The following ACTN2 variants were observed in gnomAD, a reference collection of about 807,000 sequenced individuals.
ACTN2 encodes alpha-actinin-2.
A neutral mutation model predicts 113.8 loss-of-function variants in ACTN2; 39 were observed. That is an observed-to-expected ratio of 0.34 (90% CI 0.27 to 0.45). ACTN2 has a LOEUF of 0.45. ACTN2 is among the 20% of genes least tolerant of loss of function. ACTN2 has a pLI of 1.00. For missense variants in ACTN2, 992 were observed against 1,177.9 expected, an observed-to-expected ratio of 0.84 and a Z score of 2.31; for synonymous variants, 429 against 444.1, an observed-to-expected ratio of 0.97 and a Z score of 0.43.
At chr1:236,709,125 G>C (rs183838670) in intron 1 of ACTN2, among the ~76,000 whole-genome samples, 5 of 149,994 alleles carry the variant, frequency 3.3e-5, no homozygotes, top group African/African-American at 1.2e-4. Flanking sequence ...AGGGTGTTCA[G>C]AACCATCGTG....
At chr1:236,729,982 A>G (rs1658668203) in intron 6 of ACTN2, among the ~76,000 whole-genome samples, 1 of 152,250 alleles carries the variant, frequency 6.6e-6, no homozygotes, top group Non-Finnish European at 1.5e-5. Context: ...AAACAAATAA[A>G]CATACATGTA....
At chr1:236,709,342 G>T (rs184650925) in intron 1 of ACTN2, among the ~76,000 whole-genome samples, 1 of 123,436 alleles carries the variant, frequency 8.1e-6, no homozygotes, top group East Asian at 2.2e-4. Context: ...ATATATATAC[G>T]TGTATATATA....
chr1:236,754,164 G>A lies in ACTN2; in HGVS notation c.1974+83G>A, dbSNP rs576452680. The A allele has an allele frequency of 3.8e-6, 6 of 1,574,526 alleles. No homozygotes were observed. Among genetic ancestry groups the A allele is most frequent in the African/African-American group, 1.3e-5 (1 of 74,462 alleles). Reference sequence around the variant, plus strand: ...ACGCAGCAGTGACACCGCACATGCTGTGGTTTCCAGCCACCCACTCAGTCA... The same window carrying A: ...ACGCAGCAGTGACACCGCACATGCTATGGTTTCCAGCCACCCACTCAGTCA... On this transcript the variant is annotated intron_variant, in intron 16 of 20. Transcript: ENST00000366578. This position sits in a 1 kb window ranked among gnomAD's most constrained non-coding sequence, Gnocchi z 4.9.
intron 1 of ACTN2, among the ~76,000 whole-genome samples, chr1:236,705,818 T>C (rs761921648): frequency 1.3e-5 from 2 of 152,230 alleles, no homozygotes; most frequent in Non-Finnish European, 2.9e-5. Context: ...TTTGGCTTTG[T>C]TGAAAACCCT....
chr1:236,709,308 G>GTGTA (rs1657944065), intron 1 of ACTN2, among the ~76,000 whole-genome samples: 1 of 95,198 alleles, frequency 1.1e-5, no homozygotes, highest in South Asian at 3.2e-4. Flanking sequence ...GTATATATAC[G>GTGTA]TATATATGTA....
chr1:236,749,439 G>C (rs954818864), intron 14 of ACTN2, among the ~76,000 whole-genome samples, 175 bp downstream of exon 14: 2 of 152,142 alleles, frequency 1.3e-5, no homozygotes, highest in African/African-American at 4.8e-5. Context: ...AGTACTCTGT[G>C]TTGCAAACCC....
In ACTN2 at chr1:236,717,939, C is replaced by T; in HGVS notation, c.208C>T (p.Leu70Phe). The T allele has an allele frequency of 6.2e-7, 1 of 1,614,120 alleles. No individual in the cohort carries two copies. The highest frequency in any genetic ancestry group is 1.3e-5 in the African/African-American group (1 of 75,028). ...CATCGAGGAAGACTTCAGGAATGGC[C>T]TTAAGCTCATGCTGCTTTTGGAAGT... is the stretch of plus-strand genomic sequence containing the variant. ...ENIEEDFRNGLKLMLLLEVIS... is the reference protein window; with the variant it reads ...ENIEEDFRNGFKLMLLLEVIS... Residue 70 changes from leucine (L) to phenylalanine (F), a missense_variant, in exon 2 of 21, where the codon CTT (leucine) becomes TTT (phenylalanine). Leu to Phe is a conservative substitution (Grantham distance 22). This residue lies in a region of ACTN2 where 220 missense variants were observed against 337.5 expected (regional missense o/e 0.65). Transcript: ENST00000366578.
At chr1:236,704,603 A>C (rs1007878004) in intron 1 of ACTN2, among the ~76,000 whole-genome samples, 2 of 152,194 alleles carry the variant, frequency 1.3e-5, no homozygotes, top group Non-Finnish European at 2.9e-5. Context: ...TCAAGGAAAC[A>C]GGTACGTATA....
intron 1 of ACTN2, among the ~76,000 whole-genome samples, chr1:236,696,262 G>A (rs754776963): frequency 2.6e-5 from 4 of 151,032 alleles, no homozygotes; most frequent in African/African-American, 7.3e-5. Flanking sequence ...CAGCTGGAGC[G>A]CAGTGAGATC....
At chr1:236,703,957 T>C (rs944807325) in intron 1 of ACTN2, among the ~76,000 whole-genome samples, 1 of 152,212 alleles carries the variant, frequency 6.6e-6, no homozygotes, top group Non-Finnish European at 1.5e-5. Context: ...GGAAATACTT[T>C]AGCTTCTTGA....
rs1659507977 is a variant in ACTN2 at position 236,754,949 on chromosome 1, C to T, written c.1975-70C>T. 1 of 1,597,864 alleles carries T rather than the reference C, an allele frequency of 6.3e-7. No homozygotes were observed. Among genetic ancestry groups the T allele is most frequent in the Non-Finnish European group, 8.6e-7 (1 of 1,166,480 alleles). On this transcript the variant is annotated intron_variant, in intron 16 of 20. Transcript: ENST00000366578. The surrounding 1 kb of genome is among the most constrained non-coding windows in gnomAD (Gnocchi z 4.9). The stretch of plus-strand genomic sequence containing the variant: ...TCCCATGCAGGGTCTGGAACGGCGC[C>T]TCGTGCCGAGCTCCCTTAGAGGGCA...
At chr1:236,727,100 G>T (rs974317937) in intron 5 of ACTN2, among the ~76,000 whole-genome samples, 1 of 152,058 alleles carries the variant, frequency 6.6e-6, no homozygotes, top group African/African-American at 2.4e-5. Context: ...TGGTGTCTAC[G>T]GCGGAACAGA....
Position 236,737,127 on chromosome 1 carries a change from G to A in ACTN2, c.789G>A (p.Glu263=). ...TTACCTATTGTGTTTTACAGGCCGA[G>A]ACAGCGGCTAACAGGATATGTAAGG... is the stretch of plus-strand genomic sequence containing the variant. The part of the protein sequence containing the change: ...YHAFAGAEQA[E]TAANRICKVL... Residue 263 remains glutamate (E), a synonymous_variant, in exon 9 of 21, where the codon GAG becomes GAA. Coordinates refer to ENST00000366578, the MANE Select transcript of ACTN2 (RefSeq NM_001103.4). 6.2e-7 allele frequency: 1 copy of A among 1,600,392 alleles called. No homozygotes were observed. Among genetic ancestry groups the A allele is most frequent in the Non-Finnish European group, 8.5e-7 (1 of 1,171,056 alleles).
At chr1:236,750,815 A>G (rs1659370820) in intron 14 of ACTN2, among the ~76,000 whole-genome samples, 1 of 152,184 alleles carries the variant, frequency 6.6e-6, no homozygotes, top group Non-Finnish European at 1.5e-5. Context: ...AGGGCTGAGC[A>G]TGGTGGCTCA....
intron 1 of ACTN2, among the ~76,000 whole-genome samples, chr1:236,715,384 T>C (rs1658163540): frequency 7.0e-6 from 1 of 142,658 alleles, no homozygotes; most frequent in African/African-American, 2.6e-5. Flanking sequence ...TACATAAAAT[T>C]AATATGTTAA....
rs569770400 is a variant in ACTN2, at chr1:236,730,257, C to T, written c.616-976C>T. Among the ~76,000 whole-genome samples, 7 of 144,404 alleles carry T rather than the reference C, an allele frequency of 4.8e-5. No individual in the cohort carries two copies. In the South Asian group the frequency reaches 6.7e-4, roughly 14 times the overall value. The allele number at this position is 144,404 out of a possible 152,430, so 94.7% of individuals were successfully genotyped here. A position where few individuals can be genotyped will look rare whatever the true frequency, so the allele number is the denominator to read the frequency against. ...CAGGTGATAAGCTTTGTTAAAAGAA[C>T]GTTTAGTTAAACACTTTTTTTTTTT... On this transcript the variant is annotated intron_variant, in intron 6 of 20. Transcript: ENST00000366578.
At chr1:236,753,841 C>T (rs995263205) in intron 15 of ACTN2, 106 bp from the exon 16 acceptor site, 3 of 1,253,712 alleles carry the variant, frequency 2.4e-6, no homozygotes, top group South Asian at 1.2e-5. Flanking sequence ...CTTCGTTTCT[C>T]CTTCTCCACT....
At position 236,755,091 on chromosome 1, in the gene ACTN2, CACA is replaced by C; in HGVS notation, c.2051_2053del (p.Asn684del). ...GATGAACCAGCTGAAGCAGTATGAG[CACA>C]ACATCATCAACTATAAGAACAACAT... On this transcript the variant is annotated inframe_deletion, in exon 17 of 21. Transcript: ENST00000366578. 1 of 1,614,208 alleles carries C rather than the reference CACA, an allele frequency of 6.2e-7. No individual in the cohort carries two copies.
chr1:236,753,042 G>A (rs1013752997), intron 15 of ACTN2, among the ~76,000 whole-genome samples: 1 of 152,160 alleles, frequency 6.6e-6, no homozygotes, highest in East Asian at 1.9e-4. Context: ...TGGAGGCATA[G>A]CATTAAAATG....
Sources: gnomAD v4.1 joint callset for allele counts (sites outside exome capture counted in the v4.1 genomes callset) on GRCh38, gnomAD v4.1.1 for gene constraint, gnomAD v4.1.1 regional missense constraint, Gnocchi (gnomAD v3.1) non-coding constraint, MANE v1.5 for transcripts, NCBI Gene and HGNC (gene_info 2026-07-23, HGNC 2026-07-21) for gene names.